OCA2: variants seen among roughly 807,000 people sequenced by gnomAD.
The protein encoded by OCA2 is OCA2 melanosomal transmembrane protein, also known as P protein.
Under a neutral mutation model 100.2 loss-of-function variants are expected in OCA2, and 77 were observed. That is an observed-to-expected ratio of 0.77 (90% confidence interval 0.64 to 0.93). OCA2 has a LOEUF of 0.93. Among genes scored for constraint, OCA2 ranks in the 40% least tolerant of loss-of-function variants. The probability of loss-of-function intolerance (pLI) is 0.00; values close to 1 mark genes in which losing one functional copy is unlikely to be tolerated. For synonymous variants in OCA2, 432 were observed against 439.2 expected (o/e 0.98, Z 0.21); for missense variants, 1,062 against 1,089.1 (o/e 0.98, Z 0.35).
chr15:27,849,393 C>A (rs2035663434), intron 22 of OCA2, among the ~76,000 whole-genome samples: 1 of 152,248 alleles, frequency 6.6e-6, no homozygotes, highest in Admixed American at 6.5e-5. Context: ...AGGATTGCAC[C>A]TGCCAGTAAC....
intron 21 of OCA2, among the ~76,000 whole-genome samples, chr15:27,854,684 G>A (rs757302014): frequency 7.2e-5 from 11 of 152,120 alleles, no homozygotes; most frequent in Non-Finnish European, 1.5e-4. Flanking sequence ...TTCGTTCTTC[G>A]GAGGAGTGAG....
At chr15:27,750,062 C>T (rs939879472), downstream of OCA2, among the ~76,000 whole-genome samples, 1 of 152,202 alleles carries the variant, frequency 6.6e-6, no homozygotes, top group Non-Finnish European at 1.5e-5. Context: ...ATCACTCTAT[C>T]TCCCTCTGAT....
At chr15:28,002,254 G>T (rs562527891) in intron 9 of OCA2, among the ~76,000 whole-genome samples, 2 of 152,272 alleles carry the variant, frequency 1.3e-5, no homozygotes, top group East Asian at 3.9e-4. Context: ...TGGATCTTTG[G>T]AACGTAGAGG....
chr15:27,912,770 TG>T (rs2038447054), intron 19 of OCA2, among the ~76,000 whole-genome samples: 1 of 152,184 alleles, frequency 6.6e-6, no homozygotes, highest in Admixed American at 6.5e-5. Flanking sequence ...AAAAACACAA[TG>T]TTAGTATAAT....
chr15:27,904,394 G>A (rs1286498924), intron 19 of OCA2, among the ~76,000 whole-genome samples: 1 of 152,194 alleles, frequency 6.6e-6, no homozygotes, highest in Admixed American at 6.5e-5. Flanking sequence ...AGCTTTGGAG[G>A]ACGGAAGAAC....
intron 2 of OCA2, among the ~76,000 whole-genome samples, chr15:28,033,207 A>G (rs1241997580): frequency 3.3e-5 from 5 of 152,256 alleles, no homozygotes; most frequent in Admixed American, 2.0e-4. Context: ...CCAGCTTTCC[A>G]TGAGAAGTTG....
chr15:27,913,883 G>GAAAGAAAGAA (rs1567098177), intron 19 of OCA2, among the ~76,000 whole-genome samples: 12 of 52,700 alleles, frequency 2.3e-4, no homozygotes, highest in Admixed American at 7.1e-4. Context: ...AAGAAAGAAA[G>GAAAGAAAGAA]AAAGAAAGAA....
intron 23 of OCA2, among the ~76,000 whole-genome samples, chr15:27,842,400 A>G (rs551132628): frequency 5.3e-5 from 8 of 152,262 alleles, no homozygotes; most frequent in Non-Finnish European, 1.0e-4. Context: ...CATGAGAGAA[A>G]TGGTAATTCT....
rs192792647 is a variant in OCA2, at chr15:27,760,631, C to T, written c.2433-5159G>A. 1.4e-3 allele frequency among the ~76,000 whole-genome samples: 220 copies of T among 151,904 alleles called. 2 individuals carry two copies. The highest frequency in any genetic ancestry group is 5.0e-3 in the African/African-American group (209 of 41,526). On this transcript the variant is annotated intron_variant, in intron 23 of 23. Transcript: ENST00000354638. Reference sequence around the variant, plus strand: ...AATATCAATGAAACAGGAGTCATCACAAAAAACCTTCAGGATTTAATCAAA... The same window carrying T: ...AATATCAATGAAACAGGAGTCATCATAAAAAACCTTCAGGATTTAATCAAA...
chr15:27,951,146 C>T (rs2040012514), intron 18 of OCA2, among the ~76,000 whole-genome samples: 1 of 152,154 alleles, frequency 6.6e-6, no homozygotes, highest in Admixed American at 6.5e-5. Context: ...GGTTGACAAG[C>T]TCTGTGGTGA....
At chr15:27,745,717 G>T in the OCA2 span, among the ~76,000 whole-genome samples, 1 of 152,156 alleles carries the variant, frequency 6.6e-6, no homozygotes, top group Admixed American at 6.5e-5. Context: ...CTAAGATTCT[G>T]GCACCTTTTA....
chr15:27,767,165 A>G (rs2031329577), intron 23 of OCA2, among the ~76,000 whole-genome samples: 1 of 152,170 alleles, frequency 6.6e-6, no homozygotes, highest in South Asian at 2.1e-4. Context: ...CAAGGCTATC[A>G]AGCTACAGAT....
intron 2 of OCA2, among the ~76,000 whole-genome samples, chr15:28,076,999 C>A (rs1188371172): frequency 2.7e-5 from 4 of 150,024 alleles, no homozygotes; most frequent in African/African-American, 7.4e-5. Context: ...TTAGGCAAAG[C>A]AAATGGGAAA....
At position 27,845,032 on chromosome 15, in the gene OCA2, C is replaced by T. The variant is rs142988897; in HGVS notation, c.2359G>A (p.Ala787Thr). 66 of 1,613,836 alleles carry T rather than the reference C, an allele frequency of 4.1e-5. No homozygotes were observed. The highest frequency in any genetic ancestry group is 2.0e-4 in the Admixed American group (12 of 59,998). The change falls in exon 23 of 24, where the codon GCG becomes ACG. Residue 787 changes from alanine to threonine, a missense_variant. Physicochemically the swap from Ala to Thr is moderately conservative, Grantham distance 58. Coordinates refer to ENST00000354638, the MANE Select transcript of OCA2 (RefSeq NM_000275.3). Reference protein sequence around the residue: ...CLGGNGTLIGASANVVCAGIA... With the variant: ...CLGGNGTLIGTSANVVCAGIA... ...CCTGCACACACGACGTTTGCCGACG[C>T]GCCAATCAGTGTCCCGTTACCTAAA...
intron 9 of OCA2, among the ~76,000 whole-genome samples, chr15:27,990,865 A>T (rs1166529545): frequency 2.0e-5 from 3 of 152,204 alleles, no homozygotes; most frequent in African/African-American, 4.8e-5. Flanking sequence ...CATTTCCTAA[A>T]TAATTAGATG....
intron 23 of OCA2, among the ~76,000 whole-genome samples, chr15:27,780,695 A>G (rs1324753359): frequency 6.6e-6 from 1 of 152,202 alleles, no homozygotes; most frequent in African/African-American, 2.4e-5. Context: ...TATATTACGC[A>G]GTGTTTTCAG....
At chr15:28,059,046 G>A (rs1421478822) in intron 2 of OCA2, among the ~76,000 whole-genome samples, 1 of 152,220 alleles carries the variant, frequency 6.6e-6, no homozygotes, top group Non-Finnish European at 1.5e-5. Flanking sequence ...CCTAGGAAAA[G>A]GAGAGTGCAT....
Position 27,870,788 on chromosome 15 carries a change from AAAAGAAAGAAAG to A in OCA2, c.2244+354_2244+365del, listed in dbSNP as rs148699055. Among the ~76,000 whole-genome samples, 519 of 126,680 alleles carry A rather than the reference AAAAGAAAGAAAG, an allele frequency of 4.1e-3. 5 individuals are homozygous for A. Among genetic ancestry groups the A allele is most frequent in the African/African-American group, 0.018 (476 of 26,886 alleles). 83.1% of individuals were successfully genotyped at this position (126,680 alleles called of 152,430 possible). Reference sequence around the variant, plus strand: ...CAGAAAGGAAAGAAAGAAAGAAAGAAAAAGAAAGAAAGAAAGAAAGAAAGAGAGAGAGAAAGA... The same window carrying A: ...CAGAAAGGAAAGAAAGAAAGAAAGAAAAAGAAAGAAAGAGAGAGAGAAAGA... On this transcript the variant is annotated intron_variant, in intron 21 of 23. Coordinates refer to ENST00000354638, the MANE Select transcript of OCA2 (RefSeq NM_000275.3).
At chr15:27,946,294 T>C (rs1161581795) in intron 18 of OCA2, among the ~76,000 whole-genome samples, 6 of 152,256 alleles carry the variant, frequency 3.9e-5, no homozygotes, top group Non-Finnish European at 7.3e-5. Flanking sequence ...TGTACTTCTC[T>C]ATTTGAGTCC....
Sources: gnomAD v4.1 joint callset for allele counts (sites outside exome capture counted in the v4.1 genomes callset) on GRCh38, gnomAD v4.1.1 for gene constraint, MANE v1.5 for transcripts, NCBI Gene and HGNC (gene_info 2026-07-23, HGNC 2026-07-21) for gene names.